ADD1: variants seen among roughly 807,000 people sequenced by gnomAD.
ADD1 encodes adducin 1.
A neutral mutation model predicts 80.5 loss-of-function variants in ADD1; 24 were observed. The ratio of observed to expected loss-of-function variants is 0.30; its 90% CI spans 0.22 to 0.42. ADD1 has a LOEUF of 0.42. ADD1 is among the 10% of genes least tolerant of loss of function. The pLI is 1.00. For synonymous variants in ADD1, 373 were observed against 393.8 expected, an observed-to-expected ratio of 0.95 and a Z score of 0.63; for missense variants, 948 against 1,019.0, an observed-to-expected ratio of 0.93 and a Z score of 0.95.
intron 1 of ADD1, among the ~76,000 whole-genome samples, chr4:2,870,025 C>T (rs1320922728): frequency 3.0e-4 from 46 of 152,212 alleles, no homozygotes; most frequent in Non-Finnish European, 4.4e-5. Context: ...TCTTTAATGG[C>T]TCTCTTCTTC....
At chr4:2,868,562 G>A (rs1322379711) in intron 1 of ADD1, among the ~76,000 whole-genome samples, 1 of 152,162 alleles carries the variant, frequency 6.6e-6, no homozygotes, top group Non-Finnish European at 1.5e-5. Flanking sequence ...TTTGTCCCAG[G>A]GAAGTTAGAT....
intron 4 of ADD1, 140 bp from the exon 5 acceptor site, chr4:2,893,873 C>A: frequency 1.4e-6 from 1 of 691,546 alleles, no homozygotes; most frequent in Non-Finnish European, 2.6e-6. Context: ...TACCCCTTGG[C>A]TTCGTGACAG....
rs1739621142 is a variant in ADD1, at chr4:2,919,414, C to T, written c.1948+4374C>T. 3.3e-5 allele frequency among the ~76,000 whole-genome samples: 5 copies of T among 152,136 alleles called. 1 individual carries two copies. In the South Asian group the frequency reaches 1.0e-3, roughly 32 times the overall value. On this transcript the variant is annotated intron_variant, in intron 14 of 15. Transcript: ENST00000683351. ...ATAGTTTCAGATGGAATGGTACCTACCAGCTCCTTTCTGTACCTCTGGTAG... is the reference window on the plus strand; with the variant it reads ...ATAGTTTCAGATGGAATGGTACCTATCAGCTCCTTTCTGTACCTCTGGTAG...
chr4:2,858,865 A>G (rs1022434580), intron 1 of ADD1, among the ~76,000 whole-genome samples: 3 of 152,236 alleles, frequency 2.0e-5, no homozygotes, highest in South Asian at 2.1e-4. Context: ...TGGGACGTCT[A>G]TGTGCCAGAC....
In ADD1 at chr4:2,906,156, C is replaced by T. The variant is rs1181125602; in HGVS notation, c.1506+1048C>T. ...TTAAAGAAAAAAAGTTTTATCTTCC[C>T]CAGGTGGTCCTGGTGTTTTCCTGAC... is the stretch of plus-strand genomic sequence containing the variant. On this transcript the variant is annotated intron_variant, in intron 10 of 15. Coordinates refer to ENST00000683351, the MANE Select transcript of ADD1 (RefSeq NM_001354761.2). 2.6e-5 allele frequency among the ~76,000 whole-genome samples: 4 copies of T among 152,166 alleles called. No individual in the cohort carries two copies. In the East Asian group the frequency reaches 5.8e-4, roughly 22 times the overall value.
In ADD1 at chr4:2,891,733, A is replaced by G. The variant is rs537287911; in HGVS notation, c.511-2280A>G. 3.3e-5 allele frequency among the ~76,000 whole-genome samples: 5 copies of G among 152,284 alleles called. No individual in the cohort carries two copies. The East Asian group carries it at 9.6e-4, about 29-fold the overall frequency. The stretch of plus-strand genomic sequence containing the variant: ...GAGCTCAGGGTGCCCAGAACACCAT[A>G]GCCAGTTCTTGGCAGAGCTAGGATT... On this transcript the variant is annotated intron_variant, in intron 4 of 15. Coordinates refer to ENST00000683351, the MANE Select transcript of ADD1 (RefSeq NM_001354761.2).
chr4:2,889,956 TGG>T (rs1282602786), intron 4 of ADD1, among the ~76,000 whole-genome samples: 5 of 152,208 alleles, frequency 3.3e-5, no homozygotes, highest in Non-Finnish European at 5.9e-5. Flanking sequence ...CTCTGCACTT[TGG>T]GAGACCAAGG....
At chr4:2,855,890 AG>A (rs1442071457) in intron 1 of ADD1, among the ~76,000 whole-genome samples, 3 of 151,476 alleles carry the variant, frequency 2.0e-5, no homozygotes, top group African/African-American at 7.3e-5. Flanking sequence ...TTGTTGAAAC[AG>A]GGTTTTGCCA....
At chr4:2,865,230 A>C (rs879238227) in intron 1 of ADD1, among the ~76,000 whole-genome samples, 3 of 152,108 alleles carry the variant, frequency 2.0e-5, no homozygotes, top group Admixed American at 2.0e-4. Flanking sequence ...GACCATCTAA[A>C]ATTTTGTGTA....
intron 1 of ADD1, among the ~76,000 whole-genome samples, chr4:2,858,480 A>G (rs1728392457): frequency 1.3e-5 from 2 of 152,250 alleles, no homozygotes; most frequent in Non-Finnish European, 2.9e-5. Flanking sequence ...GCCTTAGACT[A>G]TAAACCATAG....
Position 2,875,872 on chromosome 4 carries a change from ATTTCT to A in ADD1, c.-20-20_-20-16del. 13 of 1,511,480 alleles carry A rather than the reference ATTTCT, an allele frequency of 8.6e-6. No homozygotes were observed. The highest frequency in any genetic ancestry group is 1.1e-5 in the Non-Finnish European group (12 of 1,124,744). 93.6% of individuals were successfully genotyped at this position (1,511,480 alleles called of 1,614,324 possible). On this transcript the variant is annotated intron_variant, in intron 1 of 15. Coordinates refer to ENST00000683351, the MANE Select transcript of ADD1 (RefSeq NM_001354761.2). ...GTTAGACATTGATTTGAAAACAATA[ATTTCT>A]TTTATTTTGATTCTGTAGGAACCTA...
chr4:2,861,703 G>C (rs1313333191), intron 1 of ADD1, among the ~76,000 whole-genome samples: 1 of 152,078 alleles, frequency 6.6e-6, no homozygotes, highest in Non-Finnish European at 1.5e-5. Flanking sequence ...AGATTCTGTG[G>C]GTCTGGGTTT....
chr4:2,903,718 G>T (rs1253201980), intron 9 of ADD1, among the ~76,000 whole-genome samples: 1 of 152,220 alleles, frequency 6.6e-6, no homozygotes, highest in Non-Finnish European at 1.5e-5. Context: ...CTCAAGGTGG[G>T]AGGGGATTAC....
At chr4:2,924,227 G>A (rs1740582016) in intron 14 of ADD1, among the ~76,000 whole-genome samples, 1 of 152,224 alleles carries the variant, frequency 6.6e-6, no homozygotes, top group African/African-American at 2.4e-5. Flanking sequence ...CCCTCACGGA[G>A]CAGGTGGTTT....
At chr4:2,900,776 C>CA (rs1736045955) in intron 9 of ADD1, 1 of 152,172 alleles carries the variant, frequency 6.6e-6, no homozygotes, top group Non-Finnish European at 1.5e-5. Context: ...GGAGTAGACT[C>CA]AATCAGTGAC....
In ADD1 at chr4:2,904,912, T is replaced by C; in HGVS notation, c.1310T>C (p.Phe437Ser). The change falls in exon 10 of 16, where the codon TTT becomes TCT. Residue 437 changes from phenylalanine to serine, a missense_variant. Transcript: ENST00000683351. ...ACTTGCTCCCCACTCAGACACAGTT[T>C]TCAGAAGCAGCAGCGGGAGAAGACA... ...SGTCSPLRHS[F>S]QKQQREKTRW... The C allele has an allele frequency of 6.2e-7, 1 of 1,614,140 alleles. No homozygotes were observed. Among genetic ancestry groups the C allele is most frequent in the Non-Finnish European group, 8.5e-7 (1 of 1,180,018 alleles).
intron 14 of ADD1, 27 bp from the exon 15 acceptor site, chr4:2,925,987 T>G (rs968970785): frequency 1.2e-6 from 2 of 1,606,778 alleles, no homozygotes; most frequent in Non-Finnish European, 1.7e-6. Context: ...CCACAGCTCC[T>G]ACCATATCCT....
At position 2,928,349 on chromosome 4, in the gene ADD1, GCCAGCCCCAGAC is replaced by G. The variant is rs745792440; in HGVS notation, c.2235_2246del (p.Asp746_Pro749del). On this transcript the variant is annotated inframe_deletion, in exon 16 of 16. Coordinates refer to ENST00000683351, the MANE Select transcript of ADD1 (RefSeq NM_001354761.2). ...AGGCCCCTACTGAGGCCAGCCCCGAGCCAGCCCCAGACCCAGCCCCGGTGGCTGAAGAGGCTG... is the reference window on the plus strand; with the variant it reads ...AGGCCCCTACTGAGGCCAGCCCCGAGCCAGCCCCGGTGGCTGAAGAGGCTG... 6.2e-7 allele frequency: 1 copy of G among 1,613,780 alleles called. No individual in the cohort carries two copies. Among genetic ancestry groups the G allele is most frequent in the Non-Finnish European group, 8.5e-7 (1 of 1,179,932 alleles).
intron 4 of ADD1, among the ~76,000 whole-genome samples, chr4:2,890,004 G>A (rs1198551333): frequency 6.6e-6 from 1 of 151,744 alleles, no homozygotes; most frequent in African/African-American, 2.4e-5. Context: ...TTTGAGACCA[G>A]TGTGGCCAAC....
Sources: gnomAD v4.1 joint callset for allele counts (sites outside exome capture counted in the v4.1 genomes callset) on GRCh38, gnomAD v4.1.1 for gene constraint, MANE v1.5 for transcripts, NCBI Gene and HGNC (gene_info 2026-07-23, HGNC 2026-07-21) for gene names.